Variants in NELL1 observed in about 807,000 individuals in gnomAD.
NELL1 encodes the protein neural EGFL like 1, also known as protein kinase C-binding protein NELL1.
NELL1 carries 76 observed loss-of-function variants against 107.4 expected under a neutral mutation model. The ratio of observed to expected loss-of-function variants is 0.71; its 90% confidence interval spans 0.59 to 0.86. The LOEUF (loss-of-function observed/expected upper bound fraction) is 0.86. Ranked by LOEUF, NELL1 falls within the 40% of genes least tolerant of loss-of-function variation. The pLI, the probability that NELL1 is intolerant of heterozygous loss-of-function variation, is 0.00. For missense variants in NELL1, 1,024 were observed against 1,005.5 expected, an observed-to-expected ratio of 1.02 and a Z score of -0.25; for synonymous variants, 353 against 341.2, an observed-to-expected ratio of 1.03 and a Z score of -0.38.
intron 12 of NELL1, among the ~76,000 whole-genome samples, chr11:20,980,762 G>A (rs1178572217): frequency 1.3e-5 from 2 of 152,146 alleles, no homozygotes; most frequent in Non-Finnish European, 2.9e-5. Flanking sequence ...AACCCAGGGA[G>A]TCCAAGGCCC....
At chr11:20,988,461 ATG>A (rs1213853842) in intron 12 of NELL1, among the ~76,000 whole-genome samples, 9 of 150,928 alleles carry the variant, frequency 6.0e-5, no homozygotes, top group South Asian at 2.1e-4. Context: ...ATGTACATAT[ATG>A]TGTGTATATA....
intron 15 of NELL1, among the ~76,000 whole-genome samples, chr11:21,431,525 T>C (rs2133834201): frequency 6.6e-6 from 1 of 152,338 alleles, no homozygotes; most frequent in East Asian, 1.9e-4. Flanking sequence ...AAAAGTCAGC[T>C]CTAATTGTTA....
rs1855803006 is a variant in NELL1 at position 20,738,072 on chromosome 11, TCATC to T, written c.185-45607_185-45604del. ...AGTGAAAAACACCCAGAATCATCTATCATCTATGACACAGTGTGAGAAAATGTAG... is the reference window on the plus strand; with the variant it reads ...AGTGAAAAACACCCAGAATCATCTATTATGACACAGTGTGAGAAAATGTAG... On this transcript the variant is annotated intron_variant, in intron 2 of 19. Coordinates refer to ENST00000357134, the MANE Select transcript of NELL1 (RefSeq NM_006157.5). 4.6e-5 allele frequency among the ~76,000 whole-genome samples: 7 copies of T among 151,692 alleles called. No homozygotes were observed. In the South Asian group the frequency reaches 1.3e-3, roughly 27 times the overall value.
intron 15 of NELL1, among the ~76,000 whole-genome samples, chr11:21,440,060 A>C (rs1430155205): frequency 6.6e-6 from 1 of 152,222 alleles, no homozygotes; most frequent in African/African-American, 2.4e-5. Flanking sequence ...CTACTATTAC[A>C]TACAGAAAAA....
intron 15 of NELL1, among the ~76,000 whole-genome samples, chr11:21,423,193 C>G (rs1852733080): frequency 6.6e-6 from 1 of 151,824 alleles, no homozygotes; most frequent in Non-Finnish European, 1.5e-5. Context: ...GGTGAAACCC[C>G]ATCTCCACTA....
intron 11 of NELL1, among the ~76,000 whole-genome samples, chr11:20,957,802 A>G (rs553864613): frequency 6.6e-6 from 1 of 152,298 alleles, no homozygotes; most frequent in African/African-American, 2.4e-5. Flanking sequence ...ACACACCTCA[A>G]GACAGAATTA....
At chr11:21,272,698 C>G (rs1791814) in intron 14 of NELL1, among the ~76,000 whole-genome samples, 126,535 of 152,096 alleles carry the variant, frequency 0.83, 53,079 homozygotes, top group Non-Finnish European at 0.88. Flanking sequence ...ACTCCTCTCA[C>G]ACAAAACTTC....
intron 14 of NELL1, among the ~76,000 whole-genome samples, chr11:21,361,037 C>T (rs1851064334): frequency 6.6e-6 from 1 of 152,026 alleles, no homozygotes; most frequent in South Asian, 2.1e-4. Flanking sequence ...TTTTCCCCCA[C>T]TGTGTTATTC....
intron 12 of NELL1, among the ~76,000 whole-genome samples, chr11:21,106,070 G>C (rs1327631278): frequency 1.3e-5 from 2 of 150,354 alleles, no homozygotes; most frequent in South Asian, 2.1e-4. Context: ...GATTAAATCT[G>C]ATAGATAGCT....
intron 13 of NELL1, among the ~76,000 whole-genome samples, chr11:21,159,329 T>C (rs1188081997): frequency 6.6e-6 from 1 of 152,162 alleles, no homozygotes; most frequent in African/African-American, 2.4e-5. Context: ...TGCCTGATCA[T>C]GATAAATTTA....
At chr11:20,705,652 A>T (rs1247866627) in intron 2 of NELL1, among the ~76,000 whole-genome samples, 1 of 142,816 alleles carries the variant, frequency 7.0e-6, no homozygotes, top group Non-Finnish European at 1.5e-5. Context: ...AACAAAAGCC[A>T]AAATTGACAA....
intron 14 of NELL1, among the ~76,000 whole-genome samples, chr11:21,320,072 C>T (rs551749682): frequency 6.6e-6 from 1 of 152,030 alleles, no homozygotes; most frequent in Admixed American, 6.6e-5. Flanking sequence ...GACTTCATAC[C>T]TTCTACATCA....
rs182893024 is a variant in NELL1, at chr11:21,362,471, G to A, written c.1550-8382G>A. 3.3e-5 allele frequency among the ~76,000 whole-genome samples: 5 copies of A among 152,276 alleles called. No individual in the cohort carries two copies. The East Asian group carries it at 9.7e-4, about 29-fold the overall frequency. On this transcript the variant is annotated intron_variant, in intron 14 of 19. Transcript: ENST00000357134. ...AGTGTGCTAGCTTTCTTGAATGCTG[G>A]TTATACTAGCAGTGAAGTTGTCACA...
intron 3 of NELL1, among the ~76,000 whole-genome samples, chr11:20,814,178 T>A (rs1857570266): frequency 6.6e-6 from 1 of 151,984 alleles, no homozygotes; most frequent in Non-Finnish European, 1.5e-5. Context: ...GCATTTTTAG[T>A]AGAGATGGGG....
chr11:20,969,356 A>C (rs1249472324), intron 12 of NELL1, among the ~76,000 whole-genome samples: 2 of 152,230 alleles, frequency 1.3e-5, no homozygotes, highest in Non-Finnish European at 2.9e-5. Context: ...AATTCATGGA[A>C]CAAGCTTACA....
At position 21,329,928 on chromosome 11, in the gene NELL1, T is replaced by G. The variant is rs76197918; in HGVS notation, c.1550-40925T>G. Among the ~76,000 whole-genome samples, 71 of 152,266 alleles carry G rather than the reference T, an allele frequency of 4.7e-4. 1 individual carries two copies. In the East Asian group the frequency reaches 0.012, roughly 27 times the overall value. On this transcript the variant is annotated intron_variant, in intron 14 of 19. Transcript: ENST00000357134. ...TTACATCTATATGTTATAAACCCAA[T>G]AATGAATTACAATAATTATTTCTAT...
intron 14 of NELL1, among the ~76,000 whole-genome samples, chr11:21,319,099 C>T (rs558273732): frequency 4.6e-5 from 7 of 151,582 alleles, no homozygotes; most frequent in Admixed American, 1.3e-4. Flanking sequence ...AGTAGAGCCT[C>T]GTTTAACTAC....
chr11:21,079,909 G>C (rs938776352), intron 12 of NELL1, among the ~76,000 whole-genome samples: 3 of 152,034 alleles, frequency 2.0e-5, no homozygotes, highest in Non-Finnish European at 4.4e-5. Flanking sequence ...GTTTCTTAGT[G>C]ATGTGGGTGG....
In NELL1 at chr11:21,113,648, C is replaced by A. The variant is rs762573504; in HGVS notation, c.1360C>A (p.Leu454Ile). 7 of 1,612,080 alleles carry A rather than the reference C, an allele frequency of 4.3e-6. No individual in the cohort carries two copies. Among genetic ancestry groups the A allele is most frequent in the Middle Eastern group, 1.6e-4 (1 of 6,066 alleles). ...YCHANTVCVN[L>I]PGLYRCDCVP... ...TCATGCCAATACTGTGTGTGTCAAC[C>A]TTCCTGGGTTATATCGCTGTGACTG... Residue 454 changes from leucine (L) to isoleucine (I), a missense_variant, in exon 13 of 20, where the codon CTT (leucine) becomes ATT (isoleucine). By Grantham distance (5) the Leu-to-Ile change is conservative. Transcript: ENST00000357134.
Sources: allele counts gnomAD v4.1 joint callset (sites outside exome capture counted in the v4.1 genomes callset), GRCh38; gene constraint gnomAD v4.1.1; transcripts MANE v1.5; gene names NCBI Gene and HGNC (gene_info 2026-07-23, HGNC 2026-07-21).